Variants in SORCS1 observed in about 807,000 individuals in gnomAD.
SORCS1 encodes sortilin related VPS10 domain containing receptor 1.
Under a neutral mutation model 146.1 loss-of-function variants are expected in SORCS1, and 60 were observed. The ratio of observed to expected loss-of-function variants is 0.41; its 90% confidence interval spans 0.33 to 0.51. The LOEUF (loss-of-function observed/expected upper bound fraction) is 0.51, where lower values mean the gene tolerates loss of function less well. SORCS1 is among the 20% of genes least tolerant of loss of function. SORCS1 has a pLI of 0.21. For missense variants in SORCS1, 1,352 were observed against 1,487.6 expected, an observed-to-expected ratio of 0.91 and a Z score of 1.50; for synonymous variants, 637 against 584.0, an observed-to-expected ratio of 1.09 and a Z score of -1.31.
intron 2 of SORCS1, among the ~76,000 whole-genome samples, chr10:106,902,650 T>A (rs1222132051): frequency 6.6e-6 from 1 of 152,222 alleles, no homozygotes; most frequent in African/African-American, 2.4e-5. Flanking sequence ...TGGGTTACCT[T>A]TTTATTTACA....
At chr10:106,918,817 T>C (rs1952566668) in intron 2 of SORCS1, among the ~76,000 whole-genome samples, 1 of 152,056 alleles carries the variant, frequency 6.6e-6, no homozygotes, top group Non-Finnish European at 1.5e-5. Context: ...AATTTGAAAA[T>C]AATTGAAAAT....
intron 2 of SORCS1, among the ~76,000 whole-genome samples, chr10:106,894,640 C>A (rs80204615): frequency 0.019 from 2,862 of 152,264 alleles, 82 homozygotes; most frequent in East Asian, 0.11. Flanking sequence ...AGCCATCAAT[C>A]TGACAGTTTC....
In SORCS1 at chr10:107,023,314, C is replaced by G. The variant is rs559030587; in HGVS notation, c.559-66734G>C. On this transcript the variant is annotated intron_variant, in intron 1 of 25. Transcript: ENST00000263054. ...CATTCCTGCATCAAACCGAAACGAT[C>G]AAGGGCTCTCCCTCTCAGGCTAATA... Among the ~76,000 whole-genome samples, 128 of 152,290 alleles carry G rather than the reference C, an allele frequency of 8.4e-4. 1 individual carries two copies. In the South Asian group the frequency reaches 0.026, roughly 31 times the overall value.
chr10:106,816,175 A>T (rs1947733386), intron 3 of SORCS1, among the ~76,000 whole-genome samples: 1 of 152,240 alleles, frequency 6.6e-6, no homozygotes, highest in Non-Finnish European at 1.5e-5. Flanking sequence ...AAAAAGTTAC[A>T]AAGGGAATTA....
intron 13 of SORCS1, among the ~76,000 whole-genome samples, chr10:106,675,627 G>A (rs971654031): frequency 5.9e-5 from 9 of 152,098 alleles, no homozygotes; most frequent in East Asian, 1.9e-4. Flanking sequence ...TGACCTTACT[G>A]AATGAATGAG....
intron 1 of SORCS1, among the ~76,000 whole-genome samples, chr10:107,084,092 G>GTTTTTTTTTTTTTTTT (rs34590427): frequency 8.8e-6 from 1 of 113,808 alleles, no homozygotes; most frequent in Admixed American, 9.0e-5. Flanking sequence ...GTTGTTTTTT[G>GTTTTTTTTTTTTTTTT]TTTTTTTTTT....
intron 1 of SORCS1, among the ~76,000 whole-genome samples, chr10:107,029,912 A>C (rs1270526919): frequency 6.6e-6 from 1 of 152,194 alleles, no homozygotes; most frequent in African/African-American, 2.4e-5. Context: ...GACATCTCTA[A>C]GTCAGGAAGG....
intron 2 of SORCS1, among the ~76,000 whole-genome samples, chr10:106,929,392 A>G (rs948437574): frequency 6.6e-6 from 1 of 152,204 alleles, no homozygotes; most frequent in Non-Finnish European, 1.5e-5. Flanking sequence ...ATCAGAATTA[A>G]AAAGAGATGT....
intron 5 of SORCS1, among the ~76,000 whole-genome samples, chr10:106,736,227 A>T (rs1438741489): frequency 1.3e-5 from 2 of 152,238 alleles, no homozygotes; most frequent in Non-Finnish European, 1.5e-5. Flanking sequence ...ATAGTGCCCA[A>T]TAAATGCTGC....
the SORCS1 span, among the ~76,000 whole-genome samples, chr10:107,174,402 G>T: frequency 6.6e-6 from 1 of 152,156 alleles, no homozygotes; most frequent in Admixed American, 6.5e-5. Context: ...TAGAGATGGG[G>T]TTTCACCGTG....
At chr10:106,713,682 A>G (rs1855156622) in intron 6 of SORCS1, among the ~76,000 whole-genome samples, 2 of 152,202 alleles carry the variant, frequency 1.3e-5, no homozygotes, top group African/African-American at 2.4e-5. Flanking sequence ...AAGAGAATGA[A>G]GCTAAAAAAT....
At chr10:106,742,387 A>AT (rs59961325) in intron 5 of SORCS1, among the ~76,000 whole-genome samples, 8 of 128,932 alleles carry the variant, frequency 6.2e-5, no homozygotes, top group African/African-American at 1.5e-4. Context: ...ATTTTACACA[A>AT]TTTTTTTTTT....
chr10:107,013,120 T>A (rs1957754579), intron 1 of SORCS1, among the ~76,000 whole-genome samples: 2 of 152,178 alleles, frequency 1.3e-5, no homozygotes, highest in Admixed American at 1.3e-4. Context: ...GGTAGCTAAT[T>A]AATGTTGAAT....
intron 5 of SORCS1, among the ~76,000 whole-genome samples, chr10:106,731,034 G>A (rs946008704): frequency 3.4e-4 from 51 of 152,208 alleles, no homozygotes; most frequent in African/African-American, 1.2e-3. Context: ...CCTGGGCCGG[G>A]CGTGGTGGCT....
intron 2 of SORCS1, among the ~76,000 whole-genome samples, chr10:106,951,294 G>A (rs1589774494): frequency 6.6e-6 from 1 of 152,100 alleles, no homozygotes; most frequent in East Asian, 1.9e-4. Flanking sequence ...GGTGGATCAC[G>A]AGGTCAGGAG....
chr10:106,680,176 T>C (rs560721113), intron 10 of SORCS1, among the ~76,000 whole-genome samples: 4 of 152,282 alleles, frequency 2.6e-5, no homozygotes, highest in South Asian at 2.1e-4. Flanking sequence ...GAAGCAAAGA[T>C]GGATAGGCTA....
At chr10:106,627,633 A>C (rs774072687) in intron 19 of SORCS1, among the ~76,000 whole-genome samples, 4 of 152,230 alleles carry the variant, frequency 2.6e-5, no homozygotes, top group Non-Finnish European at 5.9e-5. Flanking sequence ...AAGTCTATAT[A>C]GGACGAGTTA....
At position 107,159,004 on chromosome 10, in the gene SORCS1, AT is replaced by A. The variant is rs543377603; in HGVS notation, c.558+4964del. On this transcript the variant is annotated intron_variant, in intron 1 of 25. Transcript: ENST00000263054. ...TTTACTTTCCAATTTCACATGAGGC[AT>A]TTTTTTGGGGGGGAAGGGGGGTCCA... 4.8e-5 allele frequency among the ~76,000 whole-genome samples: 4 copies of A among 83,254 alleles called. No individual in the cohort carries two copies. In the South Asian group the frequency reaches 1.2e-3, roughly 26 times the overall value. 54.6% of individuals were successfully genotyped at this position (83,254 alleles called of 152,430 possible).
chr10:106,585,817 C>T (rs1160064666), intron 24 of SORCS1, among the ~76,000 whole-genome samples: 1 of 152,166 alleles, frequency 6.6e-6, no homozygotes, highest in Admixed American at 6.5e-5. Context: ...GTGAGCAAGA[C>T]CAGAACAGTC....
Sources: allele counts gnomAD v4.1 joint callset (sites outside exome capture counted in the v4.1 genomes callset), GRCh38; gene constraint gnomAD v4.1.1; transcripts MANE v1.5; gene names NCBI Gene and HGNC (gene_info 2026-07-23, HGNC 2026-07-21).